The following ODAD2 variants were observed in gnomAD, a reference collection of about 807,000 sequenced individuals.
The protein encoded by ODAD2 is outer dynein arm-docking complex subunit 2.
In ODAD2, 89 loss-of-function variants were observed where a neutral mutation model predicts 106.8. That is an observed-to-expected ratio of 0.83 (90% CI 0.70 to 0.99). ODAD2 has a LOEUF of 0.99. Among genes scored for constraint, ODAD2 ranks in the 50% least tolerant of loss-of-function variants. ODAD2 has a pLI of 0.00. For missense variants in ODAD2, 1,168 were observed against 1,238.5 expected (o/e 0.94, Z 0.85); for synonymous variants, 404 against 436.2 (o/e 0.93, Z 0.92).
intron 17 of ODAD2, among the ~76,000 whole-genome samples, chr10:27,865,782 C>T (rs569561627): frequency 2.0e-5 from 3 of 152,188 alleles, no homozygotes; most frequent in Non-Finnish European, 2.9e-5. Flanking sequence ...CCAAACTAAA[C>T]TCCTACTAAA....
intron 17 of ODAD2, among the ~76,000 whole-genome samples, chr10:27,897,141 C>T (rs1452340579): frequency 6.6e-6 from 1 of 152,070 alleles, no homozygotes; most frequent in African/African-American, 2.4e-5. Context: ...TCAAGTTCTC[C>T]TGGTTTTCCC....
intron 19 of ODAD2, among the ~76,000 whole-genome samples, chr10:27,827,385 A>AC (rs1459731891): frequency 4.5e-3 from 86 of 19,038 alleles, no homozygotes; most frequent in South Asian, 0.021. Flanking sequence ...CACACTATAT[A>AC]TATATATATA....
intron 14 of ODAD2, among the ~76,000 whole-genome samples, chr10:27,938,543 C>T (rs1846155134): frequency 6.6e-6 from 1 of 152,068 alleles, no homozygotes; most frequent in South Asian, 2.1e-4. Context: ...GGCAGCCCTC[C>T]CTCACAACCT....
intron 16 of ODAD2, among the ~76,000 whole-genome samples, chr10:27,922,208 C>G (rs1322118611): frequency 6.9e-6 from 1 of 145,118 alleles, no homozygotes; most frequent in Non-Finnish European, 1.5e-5. Flanking sequence ...GAAAAGAAAA[C>G]AACAACAATA....
chr10:27,931,987 C>T (rs1845647164), intron 16 of ODAD2, among the ~76,000 whole-genome samples: 2 of 151,946 alleles, frequency 1.3e-5, no homozygotes. Context: ...GACTAGCCCA[C>T]CTTAAATACA....
chr10:27,840,886 C>G (rs1262957546), intron 19 of ODAD2, among the ~76,000 whole-genome samples: 1 of 152,142 alleles, frequency 6.6e-6, no homozygotes, highest in African/African-American at 2.4e-5. Flanking sequence ...ATCTGTAGGA[C>G]TTTGGATGCA....
At chr10:27,898,663 A>G (rs1260590371) in intron 17 of ODAD2, among the ~76,000 whole-genome samples, 2 of 152,162 alleles carry the variant, frequency 1.3e-5, no homozygotes, top group African/African-American at 4.8e-5. Context: ...CACTTTAAAA[A>G]ATATATTTGA....
rs145258719 is a variant in ODAD2, at chr10:27,928,661, A to T, written c.2495+6349T>A. On this transcript the variant is annotated intron_variant, in intron 16 of 19. Transcript: ENST00000305242. Reference sequence around the variant, plus strand: ...ATGGCAAATTAAATAACATGTCTTGATATAAGAGAAACACAATCAAGAGGC... The same window carrying T: ...ATGGCAAATTAAATAACATGTCTTGTTATAAGAGAAACACAATCAAGAGGC... Among the ~76,000 whole-genome samples the T allele has an allele frequency of 9.9e-5, 15 of 152,268 alleles. No homozygotes were observed. The East Asian group carries it at 2.9e-3, about 29-fold the overall frequency.
Position 27,987,532 on chromosome 10 carries a change from A to G in ODAD2, c.236T>C (p.Val79Ala). The change falls in exon 3 of 20, where the codon GTC (valine) becomes GCC (alanine). Residue 79 changes from valine (V) to alanine (A), a missense_variant. Val to Ala is a moderately conservative substitution (Grantham distance 64). Around this residue, in one of 3 missense-constraint regions of ODAD2, gnomAD observed 430 missense variants for 452.2 expected, o/e 0.95. Transcript: ENST00000305242. ...ESGYVVSETT[V>A]KSEEVDKNGQ... ...ATTTTTATCAACTTCTTCTGATTTGACTGTTGTTTCACTAAAAAATAAAAA... is the reference window on the plus strand; with the variant it reads ...ATTTTTATCAACTTCTTCTGATTTGGCTGTTGTTTCACTAAAAAATAAAAA... 1 of 1,607,160 alleles carries G rather than the reference A, an allele frequency of 6.2e-7. No individual in the cohort carries two copies.
At chr10:27,816,265 C>T (rs1299738815) in intron 19 of ODAD2, among the ~76,000 whole-genome samples, 1 of 152,120 alleles carries the variant, frequency 6.6e-6, no homozygotes, top group African/African-American at 2.4e-5. Flanking sequence ...GTGAAATTCA[C>T]TAATAAGATA....
chr10:27,873,824 C>T (rs1240974014), intron 17 of ODAD2, among the ~76,000 whole-genome samples: 1 of 152,100 alleles, frequency 6.6e-6, no homozygotes, highest in African/African-American at 2.4e-5. Context: ...GAGAAGAATG[C>T]ATATTCTGTT....
At position 27,935,126 on chromosome 10, in the gene ODAD2, G is replaced by A. The variant is rs1313312765; in HGVS notation, c.2379C>T (p.Val793=). 6.2e-7 allele frequency: 1 copy of A among 1,613,886 alleles called. No homozygotes were observed. The highest frequency in any genetic ancestry group is 8.5e-7 in the Non-Finnish European group (1 of 1,179,896). ...CCQERENRVI[V]RKCGGIQPLV... ...GTGGTTGAATGCCACCACATTTCCG[G>A]ACAATGACTCGGTTTTCACGTTCTT... The change falls in exon 16 of 20, where the codon GTC becomes GTT. Residue 793 remains valine (V), a synonymous_variant. Coordinates refer to ENST00000305242, the MANE Select transcript of ODAD2 (RefSeq NM_018076.5).
At chr10:27,907,858 A>G in intron 16 of ODAD2, 81 bp from the exon 17 acceptor site, 1 of 925,342 alleles carries the variant, frequency 1.1e-6, no homozygotes, top group South Asian at 1.8e-5. Context: ...TTATTTAATT[A>G]TTTTTTCTCC....
At chr10:27,994,799 CT>C in intron 2 of ODAD2, 119 bp downstream of exon 2, 2 of 1,066,936 alleles carry the variant, frequency 1.9e-6, no homozygotes. Context: ...TTTTCATTCC[CT>C]GGTTTAGAGG....
chr10:27,854,020 A>G (rs1355801735), intron 19 of ODAD2, among the ~76,000 whole-genome samples: 1 of 152,228 alleles, frequency 6.6e-6, no homozygotes. Flanking sequence ...GAATGTATAC[A>G]GAACTCTCAA....
chr10:27,865,303 A>G (rs561237364), intron 17 of ODAD2, among the ~76,000 whole-genome samples: 1 of 152,168 alleles, frequency 6.6e-6, no homozygotes, highest in Non-Finnish European at 1.5e-5. Context: ...AAATATTTGT[A>G]TTTTTAAAAA....
intron 19 of ODAD2, among the ~76,000 whole-genome samples, chr10:27,825,535 A>G (rs1011735762): frequency 1.3e-5 from 2 of 152,182 alleles, no homozygotes; most frequent in Non-Finnish European, 2.9e-5. Context: ...TCCTTCCATC[A>G]CTTCAAAACT....
At chr10:27,827,415 C>T (rs1342784781) in intron 19 of ODAD2, among the ~76,000 whole-genome samples, 6 of 123,938 alleles carry the variant, frequency 4.8e-5, no homozygotes, top group African/African-American at 1.7e-4. Flanking sequence ...ATATATATTC[C>T]ATGTTTCTGC....
chr10:27,921,831 A>AT (rs748090989), intron 16 of ODAD2, among the ~76,000 whole-genome samples: 6,859 of 138,746 alleles, frequency 0.049, 199 homozygotes, highest in Middle Eastern at 0.09. Flanking sequence ...ATAGAGCAGT[A>AT]TTTTATTTTT....
Sources: allele counts gnomAD v4.1 joint callset (sites outside exome capture counted in the v4.1 genomes callset), GRCh38; gene constraint gnomAD v4.1.1; regional missense constraint gnomAD v4.1.1; transcripts MANE v1.5; gene names NCBI Gene and HGNC (gene_info 2026-07-23, HGNC 2026-07-21).